The following PIK3CB variants were observed in gnomAD, a reference collection of about 807,000 sequenced individuals.
PIK3CB encodes phosphatidylinositol-4,5-bisphosphate 3-kinase catalytic subunit beta.
A neutral mutation model predicts 136.8 loss-of-function variants in PIK3CB; 39 were observed. The observed-to-expected ratio is 0.29, with a 90% CI of 0.22 to 0.37. The LOEUF (loss-of-function observed/expected upper bound fraction) is 0.37. PIK3CB is among the 10% of genes least tolerant of loss of function. The pLI is 1.00. For synonymous variants in PIK3CB, 428 were observed against 436.6 expected (o/e 0.98, Z 0.25); for missense variants, 868 against 1,275.4 (o/e 0.68, Z 4.87).
At chr3:138,784,812 C>G (rs1363801884) in intron 2 of PIK3CB, among the ~76,000 whole-genome samples, 2 of 152,194 alleles carry the variant, frequency 1.3e-5, no homozygotes, top group African/African-American at 4.8e-5. Context: ...GCCTTGGCCT[C>G]CCAAAGTGCT....
Position 138,661,143 on chromosome 3 carries a change from A to G in PIK3CB, c.2796+2763T>C, listed in dbSNP as rs78012375. Among the ~76,000 whole-genome samples the G allele has an allele frequency of 1.4e-3, 207 of 152,264 alleles. 6 individuals carry two copies. The East Asian group carries it at 0.028, about 20-fold the overall frequency. On this transcript the variant is annotated intron_variant, in intron 21 of 23. Transcript: ENST00000674063. ...CTACGCCGACTTTCACTCCATCTCC[A>G]TTTTTAATATGGGACCCTTTCTTGT...
chr3:138,665,180 G>C lies in PIK3CB; in HGVS notation c.2528C>G (p.Ala843Gly). 6.2e-7 allele frequency: 1 copy of C among 1,606,708 alleles called. No homozygotes were observed. Among genetic ancestry groups the C allele is most frequent in the Non-Finnish European group, 8.5e-7 (1 of 1,176,044 alleles). ...DLRMLPYGCLATGDRSGLIEV... is the reference protein window; with the variant it reads ...DLRMLPYGCLGTGDRSGLIEV... ...AATGAGGCCAGAGCGATCTCCTGTTGCTAAACAGCCATAAGGCAACATCCT... is the reference window on the plus strand; with the variant it reads ...AATGAGGCCAGAGCGATCTCCTGTTCCTAAACAGCCATAAGGCAACATCCT... The change falls in exon 20 of 24, where the codon GCA (alanine) becomes GGA (glycine). Residue 843 changes from alanine to glycine, a missense_variant. By Grantham distance (60) the Ala-to-Gly change is moderately conservative (BLOSUM62 0). Coordinates refer to ENST00000674063, the MANE Select transcript of PIK3CB (RefSeq NM_006219.3).
chr3:138,777,057 A>C (rs1047184859), intron 2 of PIK3CB, among the ~76,000 whole-genome samples: 22 of 152,072 alleles, frequency 1.4e-4, no homozygotes, highest in African/African-American at 5.1e-4. Flanking sequence ...CCACAAAATT[A>C]TTTTACATCA....
At chr3:138,742,832 G>A in intron 4 of PIK3CB, 51 bp from the exon 5 acceptor site, 1 of 996,240 alleles carries the variant, frequency 1.0e-6, no homozygotes, top group Non-Finnish European at 1.5e-6. Flanking sequence ...AATAATAAAA[G>A]AATATAGAAA....
intron 19 of PIK3CB, among the ~76,000 whole-genome samples, chr3:138,666,577 G>T (rs1209747004): frequency 1.3e-5 from 2 of 152,024 alleles, no homozygotes; most frequent in Non-Finnish European, 2.9e-5. Flanking sequence ...TGAGCTCTTT[G>T]TATATTAATA....
chr3:138,798,116 G>C (rs796882964), intron 1 of PIK3CB, among the ~76,000 whole-genome samples: 4 of 152,190 alleles, frequency 2.6e-5, no homozygotes, highest in African/African-American at 9.6e-5. Flanking sequence ...GTGGATTTTA[G>C]GGTAAAGATA....
intron 2 of PIK3CB, among the ~76,000 whole-genome samples, chr3:138,788,997 A>AAAAAAAC (rs1559879235): frequency 3.5e-4 from 52 of 150,184 alleles, no homozygotes; most frequent in African/African-American, 1.3e-3. Context: ...AAAAAACAAA[A>AAAAAAAC]AACAACACCA....
chr3:138,771,720 C>A (rs1308992532), intron 2 of PIK3CB, among the ~76,000 whole-genome samples: 1 of 152,000 alleles, frequency 6.6e-6, no homozygotes. Flanking sequence ...ACATCTGCAC[C>A]AGCCTGGGCA....
chr3:138,785,894 T>C (rs113253102), intron 2 of PIK3CB, among the ~76,000 whole-genome samples: 4,581 of 151,592 alleles, frequency 0.03, 234 homozygotes, highest in African/African-American at 0.11. Context: ...AGGTGAAAGT[T>C]TTCATAGTAA....
At chr3:138,756,205 G>T (rs566711602) in intron 3 of PIK3CB, among the ~76,000 whole-genome samples, 1 of 152,180 alleles carries the variant, frequency 6.6e-6, no homozygotes, top group African/African-American at 2.4e-5. Flanking sequence ...ATTCTGAAAT[G>T]GAAAACCATA....
At chr3:138,745,717 T>C (rs2045341773) in intron 4 of PIK3CB, among the ~76,000 whole-genome samples, 1 of 152,206 alleles carries the variant, frequency 6.6e-6, no homozygotes, top group Non-Finnish European at 1.5e-5. Flanking sequence ...AAAAGGGTTC[T>C]TATTGTCCAG....
intron 4 of PIK3CB, among the ~76,000 whole-genome samples, chr3:138,745,381 C>A (rs1040113475): frequency 3.0e-4 from 45 of 152,238 alleles, no homozygotes; most frequent in African/African-American, 1.1e-3. Context: ...TCCTGTCATC[C>A]TAGCACTTTG....
intron 16 of PIK3CB, among the ~76,000 whole-genome samples, chr3:138,687,269 C>T (rs911196212): frequency 1.3e-5 from 2 of 150,738 alleles, no homozygotes; most frequent in African/African-American, 2.4e-5. Flanking sequence ...TTTGTTCATA[C>T]ATATATCATC....
intron 1 of PIK3CB, among the ~76,000 whole-genome samples, chr3:138,834,449 G>A (rs1015871971): frequency 3.3e-5 from 5 of 152,324 alleles, no homozygotes; most frequent in Non-Finnish European, 7.4e-5. Context: ...CCGCCCAGGG[G>A]CCGGGGGGCG....
intron 22 of PIK3CB, 50 bp downstream of exon 22, chr3:138,657,640 G>T (rs749906927): frequency 6.6e-7 from 1 of 1,525,826 alleles, no homozygotes; most frequent in Admixed American, 1.8e-5. Flanking sequence ...CACCTGGTCA[G>T]ATAAGAAAAT....
chr3:138,740,714 G>A (rs978543892), intron 5 of PIK3CB, among the ~76,000 whole-genome samples: 2 of 151,784 alleles, frequency 1.3e-5, no homozygotes, highest in African/African-American at 2.4e-5. Flanking sequence ...GTGTGGTGGC[G>A]CAATCTGGGC....
rs913061671 is a variant in PIK3CB at position 138,734,640 on chromosome 3, A to G, written c.966T>C (p.Ile322=). Residue 322 remains isoleucine, a synonymous_variant, in exon 7 of 24, where the codon ATT becomes ATC. Coordinates refer to ENST00000674063, the MANE Select transcript of PIK3CB (RefSeq NM_006219.3). ...GTTCAGAAATAAAACTTACAGAAAT[A>G]ATTCGTGTTTTCTTTGGTGGTAATG... ...PLPLPPKKTR[I]ISHVWENNNP... is the part of the protein sequence containing the mutation. 6.2e-7 allele frequency: 1 copy of G among 1,606,714 alleles called. No individual in the cohort carries two copies. Among genetic ancestry groups the G allele is most frequent in the Non-Finnish European group, 8.5e-7 (1 of 1,174,950 alleles).
chr3:138,792,723 T>C (rs1342690625), intron 2 of PIK3CB, among the ~76,000 whole-genome samples: 1 of 152,188 alleles, frequency 6.6e-6, no homozygotes, highest in Non-Finnish European at 1.5e-5. Context: ...AGAGGATATA[T>C]CAAGGAATTT....
chr3:138,719,203 T>C (rs73864489), intron 8 of PIK3CB, among the ~76,000 whole-genome samples: 7 of 151,186 alleles, frequency 4.6e-5, no homozygotes, highest in African/African-American at 1.5e-4. Flanking sequence ...AAACAAAGTA[T>C]CTAACTTATC....
Sources: allele counts gnomAD v4.1 joint callset (sites outside exome capture counted in the v4.1 genomes callset), GRCh38; gene constraint gnomAD v4.1.1; transcripts MANE v1.5; gene names NCBI Gene and HGNC (gene_info 2026-07-23, HGNC 2026-07-21).